Variants in XIST observed in about 807,000 individuals in gnomAD.
XIST encodes the protein X inactive specific transcript, also known as X inactive specific transcript (non-protein coding).
At chrX:73,831,895 C>T (rs997891064) in intron 3 of XIST, among the ~76,000 whole-genome samples, 2 of 112,223 alleles carry the variant, frequency 1.8e-5, no homozygotes, top group African/African-American at 6.5e-5. Context: ...TAGTGCCATG[C>T]CATAATATTG....
chrX:73,828,830 T>C (rs770752898), intron 5 of XIST: 77 of 311,078 alleles, frequency 2.5e-4, no homozygotes, highest in Non-Finnish European at 3.8e-4. Flanking sequence ...AGTGAAGACA[T>C]AGAACACACA....
chrX:73,842,068 GAGAC>G (rs757672788), exon 1 of XIST: 43 of 547,720 alleles, frequency 7.9e-5, no homozygotes, highest in Non-Finnish European at 1.3e-4. Context: ...GTTAAAATGA[GAGAC>G]ACTGGTCACC....
chrX:73,849,537 GA>G (rs1569512800), exon 1 of XIST: 1 of 556,572 alleles, frequency 1.8e-6, no homozygotes, highest in Non-Finnish European at 3.2e-6. Context: ...TCGAGAAAAT[GA>G]TAAGTAACTC....
exon 1 of XIST, chrX:73,843,191 C>T: frequency 1.8e-6 from 1 of 558,625 alleles, no homozygotes; most frequent in Non-Finnish European, 3.2e-6. Flanking sequence ...TCAGCAGCCC[C>T]TGCAGTAATG....
chrX:73,847,972 C>T (rs748192236), exon 1 of XIST: 6 of 559,173 alleles, frequency 1.1e-5, no homozygotes, highest in Admixed American at 6.6e-5. Context: ...CCATGGTTCA[C>T]ATTAACTATC....
At chrX:73,839,977 C>A (rs1223140530) in intron 1 of XIST, among the ~76,000 whole-genome samples, 1 of 110,564 alleles carries the variant, frequency 9.0e-6, no homozygotes. Flanking sequence ...AAGCATAGAC[C>A]AGGGTTTCTC....
At chrX:73,847,799 T>A in exon 1 of XIST, 1 of 558,672 alleles carries the variant, frequency 1.8e-6, no homozygotes, top group South Asian at 2.2e-5. Flanking sequence ...CTTTCTATAA[T>A]GTAAAAGGGG....
At position 73,839,563 on chromosome X, in the gene XIST, G is replaced by C. The variant is rs1056310288; in HGVS notation, n.11342+1819C>G. 3.6e-5 allele frequency among the ~76,000 whole-genome samples: 4 copies of C among 111,056 alleles called. No homozygotes were observed. In the East Asian group the frequency reaches 1.1e-3, roughly 31 times the overall value. On this transcript the variant is annotated intron_variant and non_coding_transcript_variant, in intron 1 of 5. Transcript: ENST00000429829. ...AAGCATTTCTGCCCAAAACCATAAT[G>C]ATTTCCTTCTGCATCCTCCATAAGA...
At chrX:73,845,239 G>A (rs774458822) in exon 1 of XIST, 2 of 557,443 alleles carry the variant, frequency 3.6e-6, no homozygotes, top group South Asian at 2.2e-5. Flanking sequence ...AGTGTGGCAG[G>A]GGAGGCTTCC....
At chrX:73,850,201 A>C (rs1167159732) in exon 1 of XIST, 1 of 551,605 alleles carries the variant, frequency 1.8e-6, no homozygotes, top group Non-Finnish European at 3.3e-6. Flanking sequence ...AAAGGAAAAT[A>C]GTTAAGTCAA....
chrX:73,828,091 TA>T (rs199953543), intron 5 of XIST: 7,411 of 434,579 alleles, frequency 0.017, 359 homozygotes, highest in African/African-American at 0.15. Flanking sequence ...CACAGAAAGA[TA>T]AAAAAAATCA....
chrX:73,842,572 A>C (rs1304814427), exon 1 of XIST: 1 of 556,836 alleles, frequency 1.8e-6, no homozygotes, highest in Non-Finnish European at 3.2e-6. Context: ...CCAACACACC[A>C]AAGTGGTAGG....
exon 1 of XIST, chrX:73,849,541 A>T: frequency 1.8e-6 from 1 of 558,739 alleles, no homozygotes; most frequent in Non-Finnish European, 3.2e-6. Context: ...GAAAATGATA[A>T]GTAACTCAAA....
At chrX:73,838,245 T>C (rs1179101535) in intron 1 of XIST, among the ~76,000 whole-genome samples, 1 of 111,238 alleles carries the variant, frequency 9.0e-6, no homozygotes, top group Non-Finnish European at 1.9e-5. Flanking sequence ...ATAGATAATT[T>C]TATAATGGGA....
intron 2 of XIST, among the ~76,000 whole-genome samples, chrX:73,834,803 C>T (rs1399528583): frequency 3.5e-5 from 3 of 85,359 alleles, no homozygotes; most frequent in Admixed American, 3.2e-4. Flanking sequence ...CTGGCCAACA[C>T]GGCAAAACTC....
chrX:73,831,733 G>T (rs982855181), intron 3 of XIST, among the ~76,000 whole-genome samples: 4 of 111,554 alleles, frequency 3.6e-5, no homozygotes, highest in African/African-American at 9.8e-5. Context: ...GGTCGGATGT[G>T]GTCTAACCCT....
At chrX:73,847,070 C>G in exon 1 of XIST, 1 of 559,218 alleles carries the variant, frequency 1.8e-6, no homozygotes, top group Non-Finnish European at 3.2e-6. Context: ...AGATTATGCA[C>G]GCTAACTTTA....
chrX:73,821,620 C>A (rs1277906811), exon 6 of XIST: 2 of 554,451 alleles, frequency 3.6e-6, no homozygotes, highest in African/African-American at 2.2e-5. Flanking sequence ...TTCTTAAGAC[C>A]AATTCAGAAC....
chrX:73,850,035 C>T, exon 1 of XIST: 1 of 558,750 alleles, frequency 1.8e-6, no homozygotes, highest in East Asian at 3.2e-5. Flanking sequence ...CACAGCAATT[C>T]AAGTTTCCTG....
Sources: gnomAD v4.1 joint callset for allele counts (sites outside exome capture counted in the v4.1 genomes callset) on GRCh38, gnomAD v4.1.1 for gene constraint, MANE v1.5 for transcripts, NCBI Gene and HGNC (gene_info 2026-07-23, HGNC 2026-07-21) for gene names.